The following CFTR variants were observed in gnomAD, a reference collection of about 807,000 sequenced individuals.
CFTR encodes the protein CF transmembrane conductance regulator.
Under a neutral mutation model 171.6 loss-of-function variants are expected in CFTR, and 181 were observed. The ratio of observed to expected loss-of-function variants is 1.05; its 90% CI spans 0.93 to 1.19. The LOEUF is 1.19. Ranked by LOEUF, CFTR falls within the 50% of genes most tolerant of loss-of-function variation. The probability of loss-of-function intolerance (pLI) is 0.00; values close to 1 mark genes in which losing one functional copy is unlikely to be tolerated. For synonymous variants in CFTR, 583 were observed against 608.0 expected (o/e 0.96, Z 0.60); for missense variants, 1,968 against 1,734.7 (o/e 1.13, Z -2.39).
At position 117,592,101 on chromosome 7, in the gene CFTR, T is replaced by A. The variant is rs377731410; in HGVS notation, c.1934T>A (p.Met645Lys). ...CAGCCAGACTTTAGCTCAAAACTCA[T>A]GGGATGTGATTCTTTCGACCAATTT... ...NLQPDFSSKL[M>K]GCDSFDQFSA... is the part of the protein sequence containing the mutation. The change falls in exon 14 of 27, where the codon ATG (methionine) becomes AAG (lysine). Residue 645 changes from methionine (M) to lysine (K), a missense_variant. By Grantham distance (95) the Met-to-Lys change is moderately conservative. Coordinates refer to ENST00000003084, the MANE Select transcript of CFTR (RefSeq NM_000492.4). The A allele has an allele frequency of 1.3e-5, 21 of 1,614,112 alleles. No homozygotes were observed. The highest frequency in any genetic ancestry group is 5.3e-5 in the African/African-American group (4 of 75,062).
rs746988103 is a variant in CFTR at position 117,491,161 on chromosome 7, G to T, written c.53+11014G>T. ...GTTACTATACTGAATACTGCAGGCAGTTGTGACACAGTGGTATTTGCATAT... is the reference window on the plus strand; with the variant it reads ...GTTACTATACTGAATACTGCAGGCATTTGTGACACAGTGGTATTTGCATAT... On this transcript the variant is annotated intron_variant, in intron 1 of 26. Coordinates refer to ENST00000003084, the MANE Select transcript of CFTR (RefSeq NM_000492.4). Among the ~76,000 whole-genome samples, 240 of 152,140 alleles carry T rather than the reference G, an allele frequency of 1.6e-3. 2 individuals are homozygous for T. Among genetic ancestry groups the T allele is most frequent in the African/African-American group, 5.6e-3 (234 of 41,528 alleles).
chr7:117,535,422 AT>A lies in CFTR; in HGVS notation c.743+15del, dbSNP rs1798937332. 1 of 1,613,070 alleles carries A rather than the reference AT, an allele frequency of 6.2e-7. No homozygotes were observed. The highest frequency in any genetic ancestry group is 8.5e-7 in the Non-Finnish European group (1 of 1,179,552). On this transcript the variant is annotated intron_variant, in intron 6 of 26. Coordinates refer to ENST00000003084, the MANE Select transcript of CFTR (RefSeq NM_000492.4). Reference sequence around the variant, plus strand: ...GATGATGAAGTACAGGTAGCAACCTATTTTCATAACTTGAAAGTTTTAAAAA... The same window carrying A: ...GATGATGAAGTACAGGTAGCAACCTATTTCATAACTTGAAAGTTTTAAAAA...
At chr7:117,517,519 A>G (rs1798613599) in intron 3 of CFTR, among the ~76,000 whole-genome samples, 1 of 152,190 alleles carries the variant, frequency 6.6e-6, no homozygotes, top group Non-Finnish European at 1.5e-5. Flanking sequence ...ATGAACATAC[A>G]TAAGCATATG....
At chr7:117,652,220 G>A (rs1009682523) in intron 23 of CFTR, among the ~76,000 whole-genome samples, 4 of 152,104 alleles carry the variant, frequency 2.6e-5, no homozygotes, top group Non-Finnish European at 5.9e-5. Context: ...TCCTTACCAG[G>A]AACATACATT....
chr7:117,630,754 A>C (rs1792727870), intron 22 of CFTR, among the ~76,000 whole-genome samples: 1 of 152,112 alleles, frequency 6.6e-6, no homozygotes, highest in Non-Finnish European at 1.5e-5. Context: ...TCATCTGTGC[A>C]AAAGCATCTG....
chr7:117,555,676 T>C (rs1210159300), intron 10 of CFTR, among the ~76,000 whole-genome samples: 1 of 152,212 alleles, frequency 6.6e-6, no homozygotes, highest in Non-Finnish European at 1.5e-5. Context: ...TACCATATAT[T>C]GAGGTCTGCA....
At chr7:117,509,908 A>G (rs1482314943) in intron 3 of CFTR, among the ~76,000 whole-genome samples, 2 of 152,168 alleles carry the variant, frequency 1.3e-5, no homozygotes, top group African/African-American at 2.4e-5. Context: ...GCGTTTACTT[A>G]TCATATGGAT....
At chr7:117,608,751 T>C (rs1362469311) in intron 18 of CFTR, among the ~76,000 whole-genome samples, 2 of 152,188 alleles carry the variant, frequency 1.3e-5, no homozygotes, top group African/African-American at 4.8e-5. Flanking sequence ...CCTCTGGTTA[T>C]ACTTAATTTC....
At chr7:117,534,827 A>G (rs933000772) in intron 5 of CFTR, among the ~76,000 whole-genome samples, 4 of 152,192 alleles carry the variant, frequency 2.6e-5, no homozygotes, top group Non-Finnish European at 5.9e-5. Flanking sequence ...TTGAGCAAAT[A>G]TTTATTCTAA....
chr7:117,542,250 T>C lies in CFTR; in HGVS notation c.1209+142T>C, dbSNP rs187611609. 594 of 647,016 alleles carry C rather than the reference T, an allele frequency of 9.2e-4. 3 individuals are homozygous for C. The African/African-American group carries it at 9.4e-3, about 10-fold the overall frequency. The allele number at this position is 647,016 out of a possible 1,614,324, so 40.1% of individuals were successfully genotyped here. ...GAAGGAGGATCACTCACTTATTTTC[T>C]AGATTAAGAAGTAGAGGAATGGCCA... On this transcript the variant is annotated intron_variant, in intron 9 of 26. Coordinates refer to ENST00000003084, the MANE Select transcript of CFTR (RefSeq NM_000492.4).
intron 12 of CFTR, among the ~76,000 whole-genome samples, chr7:117,589,756 A>C (rs1791998284): frequency 6.6e-6 from 1 of 152,064 alleles, no homozygotes; most frequent in Non-Finnish European, 1.5e-5. Flanking sequence ...CAGTTGTGGC[A>C]GCACTGCTAT....
intron 17 of CFTR, among the ~76,000 whole-genome samples, chr7:117,605,738 AG>A (rs1792291471): frequency 1.3e-5 from 2 of 152,260 alleles, no homozygotes; most frequent in South Asian, 4.1e-4. Flanking sequence ...AGGAAAGTGT[AG>A]AGTGTGTTTA....
chr7:117,592,234 G>A lies in CFTR; in HGVS notation c.2067G>A (p.Gln689=). The A allele has an allele frequency of 1.2e-6, 2 of 1,613,770 alleles. No individual in the cohort carries two copies. Among genetic ancestry groups the A allele is most frequent in the Middle Eastern group, 3.3e-4 (2 of 6,062 alleles). The part of the protein sequence containing the change: ...WTETKKQSFK[Q]TGEFGEKRKN... ...AAACAAAAAAACAATCTTTTAAACA[G>A]ACTGGAGAGTTTGGGGAAAAAAGGA... is the stretch of plus-strand genomic sequence containing the variant. The change falls in exon 14 of 27, where the codon CAG becomes CAA. Residue 689 remains glutamine, a synonymous_variant. Transcript: ENST00000003084.
intron 11 of CFTR, among the ~76,000 whole-genome samples, chr7:117,579,415 A>G (rs1024099973): frequency 1.3e-5 from 2 of 151,966 alleles, no homozygotes; most frequent in African/African-American, 4.8e-5. Flanking sequence ...CATGCTTTGT[A>G]GACAAATTGC....
At chr7:117,566,196 G>A (rs982389915) in intron 11 of CFTR, among the ~76,000 whole-genome samples, 7 of 151,830 alleles carry the variant, frequency 4.6e-5, no homozygotes, top group Non-Finnish European at 1.0e-4. Flanking sequence ...CACTTTGGGA[G>A]GCCGAGGTGG....
At chr7:117,533,062 G>A (rs767440415) in intron 4 of CFTR, among the ~76,000 whole-genome samples, 2 of 152,010 alleles carry the variant, frequency 1.3e-5, no homozygotes, top group Non-Finnish European at 2.9e-5. Flanking sequence ...CTTGAGCTTT[G>A]CCTATACTTT....
rs1052894635 is a variant in CFTR, at chr7:117,480,102, G to T, written c.8G>T (p.Arg3Met). 1.7e-5 allele frequency: 28 copies of T among 1,613,778 alleles called. No individual in the cohort carries two copies. Among genetic ancestry groups the T allele is most frequent in the Non-Finnish European group, 2.4e-5 (28 of 1,179,914 alleles). The change falls in exon 1 of 27, where the codon AGG (arginine) becomes ATG (methionine). Residue 3 changes from arginine to methionine, a missense_variant. By Grantham distance (91) the Arg-to-Met change is moderately conservative. Transcript: ENST00000003084. MQ[R>M]SPLEKASVVS... ...CCCAGCGCCCGAGAGACCATGCAGA[G>T]GTCGCCTCTGGAAAAGGCCAGCGTT...
chr7:117,549,919 G>C (rs1438379289), intron 10 of CFTR, among the ~76,000 whole-genome samples: 1 of 152,120 alleles, frequency 6.6e-6, no homozygotes, highest in Non-Finnish European at 1.5e-5. Context: ...AATGAAAATA[G>C]AAATTAAGAA....
chr7:117,655,660 T>C (rs947552643), intron 24 of CFTR, among the ~76,000 whole-genome samples: 7 of 152,216 alleles, frequency 4.6e-5, no homozygotes, highest in Admixed American at 1.3e-4. Flanking sequence ...CCAAAGCTGC[T>C]TCCACATTGA....
Sources: gnomAD v4.1 joint callset for allele counts (sites outside exome capture counted in the v4.1 genomes callset) on GRCh38, gnomAD v4.1.1 for gene constraint, MANE v1.5 for transcripts, NCBI Gene and HGNC (gene_info 2026-07-23, HGNC 2026-07-21) for gene names.